The following NIPSNAP2 variants were observed in gnomAD, a reference collection of about 807,000 sequenced individuals.
NIPSNAP2 encodes nipsnap homolog 2.
A neutral mutation model predicts 48.4 loss-of-function variants in NIPSNAP2; 42 were observed. The observed-to-expected ratio is 0.87, with a 90% CI of 0.68 to 1.12. The LOEUF (loss-of-function observed/expected upper bound fraction) is 1.12, where lower values mean the gene tolerates loss of function less well. NIPSNAP2 is among the 50% of genes most tolerant of loss of function. The pLI is 0.00. For missense variants in NIPSNAP2, 314 were observed against 347.3 expected (o/e 0.90, Z 0.76); for synonymous variants, 158 against 126.6 (o/e 1.25, Z -1.67).
chr7:55,990,883 G>T (rs1484703156), intron 7 of NIPSNAP2, among the ~76,000 whole-genome samples: 1 of 151,702 alleles, frequency 6.6e-6, no homozygotes, highest in Non-Finnish European at 1.5e-5. Context: ...TGCCTCCTGG[G>T]TTCAAGCGAT....
chr7:55,978,136 T>G lies in NIPSNAP2; in HGVS notation c.103T>G (p.Ser35Ala). The G allele has an allele frequency of 6.2e-7, 1 of 1,614,160 alleles. No homozygotes were observed. Among genetic ancestry groups the G allele is most frequent in the South Asian group, 1.1e-5 (1 of 91,084 alleles). Residue 35 changes from serine to alanine, a missense_variant, in exon 2 of 10, where the codon TCT becomes GCT. Ser to Ala is a moderately conservative substitution (Grantham distance 99, BLOSUM62 1). This residue lies in a region of NIPSNAP2 where 198 missense variants were observed against 185.5 expected (regional missense o/e 1.07). Coordinates refer to ENST00000322090, the MANE Select transcript of NIPSNAP2 (RefSeq NM_001483.3). ...TTTGTTATTCCATAGGACATGGACA[T>G]CTTCCAGCAACAGATCTCGAGAAGA... ...SLLPRLRTWT[S>A]SSNRSREDSW...
At chr7:55,985,169 C>A (rs1160538347) in intron 7 of NIPSNAP2, among the ~76,000 whole-genome samples, 1 of 152,104 alleles carries the variant, frequency 6.6e-6, no homozygotes, top group Non-Finnish European at 1.5e-5. Context: ...AGACAGCATT[C>A]TATTTCATTC....
At position 55,981,567 on chromosome 7, in the gene NIPSNAP2, G is replaced by T; in HGVS notation, c.373G>T (p.Val125Phe). 6.2e-7 allele frequency: 1 copy of T among 1,608,660 alleles called. No homozygotes were observed. Among genetic ancestry groups the T allele is most frequent in the Non-Finnish European group, 8.5e-7 (1 of 1,175,778 alleles). ...GTGGTATGGCGAGCAGGACCAAGCT[G>T]GTAGGAAGCGAAGTCTTTGGAATAA... is the stretch of plus-strand genomic sequence containing the variant. Reference protein sequence around the residue: ...NTWYGEQDQAVHLWRYEGGYP... With the variant: ...NTWYGEQDQAFHLWRYEGGYP... Residue 125 changes from valine to phenylalanine, a missense_variant and splice_region_variant, in exon 4 of 10, where the codon GTC (valine) becomes TTC (phenylalanine). Transcript: ENST00000322090.
intron 7 of NIPSNAP2, 113 bp from the exon 8 acceptor site, chr7:55,994,781 C>T (rs1301037535): frequency 2.5e-6 from 2 of 802,478 alleles, no homozygotes; most frequent in African/African-American, 3.4e-5. Flanking sequence ...TTTGATAAAC[C>T]ATTAGTCTTC....
chr7:55,992,126 G>A (rs1486064022), intron 7 of NIPSNAP2, among the ~76,000 whole-genome samples: 1 of 151,776 alleles, frequency 6.6e-6, no homozygotes, highest in Non-Finnish European at 1.5e-5. Context: ...ATAATCCATG[G>A]GGGCAATAGC....
intron 7 of NIPSNAP2, among the ~76,000 whole-genome samples, chr7:55,989,240 A>G (rs1206946949): frequency 6.6e-6 from 1 of 152,188 alleles, no homozygotes; most frequent in African/African-American, 2.4e-5. Flanking sequence ...GCTGATTACA[A>G]TTGTAACAAA....
At chr7:55,979,527 A>C in intron 3 of NIPSNAP2, 1 of 325,088 alleles carries the variant, frequency 3.1e-6, no homozygotes, top group Non-Finnish European at 6.1e-6. Context: ...TAAGCTGTGC[A>C]TTCTTCATCG....
At chr7:55,992,635 GAGTGACATCTTTCACTGTC>G (rs1467669380) in intron 7 of NIPSNAP2, among the ~76,000 whole-genome samples, 1 of 152,228 alleles carries the variant, frequency 6.6e-6, no homozygotes, top group African/African-American at 2.4e-5. Context: ...TGTGCCTTGA[GAGTGACATCTTTCACTGTC>G]ATTGTTAGTA....
intron 8 of NIPSNAP2, 115 bp downstream of exon 8, chr7:55,995,103 T>G: frequency 1.2e-6 from 1 of 826,434 alleles, no homozygotes; most frequent in Admixed American, 2.0e-5. Context: ...AAATCCGACG[T>G]CACAGAGGGA....
At chr7:55,981,249 A>G (rs894833455) in intron 3 of NIPSNAP2, 1 of 374,794 alleles carries the variant, frequency 2.7e-6, no homozygotes, top group Non-Finnish European at 4.9e-6. Context: ...CAACTCTTCT[A>G]GATAGTTGGG....
In NIPSNAP2 at chr7:55,989,281, C is replaced by T. The variant is rs188104184; in HGVS notation, c.617+4403C>T. Among the ~76,000 whole-genome samples the T allele has an allele frequency of 1.5e-3, 234 of 152,218 alleles. 1 individual carries two copies. Among genetic ancestry groups the T allele is most frequent in the African/African-American group, 4.9e-3 (204 of 41,546 alleles). On this transcript the variant is annotated intron_variant, in intron 7 of 9. Coordinates refer to ENST00000322090, the MANE Select transcript of NIPSNAP2 (RefSeq NM_001483.3). ...AGCTTTCACCATTATGATTTAATAC[C>T]GTTTTTAGAAATCCTGACTATTATA...
At chr7:55,979,651 G>C in intron 3 of NIPSNAP2, 1 of 398,552 alleles carries the variant, frequency 2.5e-6, no homozygotes, top group Non-Finnish European at 5.0e-6. Flanking sequence ...AGCTATACCT[G>C]TGTCTCCTTC....
At chr7:55,986,014 C>T (rs922482194) in intron 7 of NIPSNAP2, among the ~76,000 whole-genome samples, 1 of 151,906 alleles carries the variant, frequency 6.6e-6, no homozygotes, top group Admixed American at 6.6e-5. Flanking sequence ...CACCACTGTG[C>T]TCTAGCCTAG....
At chr7:55,979,522 T>C (rs4543497) in intron 3 of NIPSNAP2, 224,636 of 313,272 alleles carry the variant, frequency 0.72, 81,465 homozygotes, top group Non-Finnish European at 0.76. Context: ...TCACCTAAGC[T>C]GTGCATTCTT....
Position 55,999,169 on chromosome 7 carries a change from G to C in NIPSNAP2, c.*97G>C, listed in dbSNP as rs912459219. ...TATCAAGTGAAAAAGAAACACTGAG[G>C]TTTTAAGCTGCTGTATATAGCTTGT... On this transcript the variant is annotated 3_prime_UTR_variant, in exon 10 of 10. Transcript: ENST00000322090. 1.0e-4 allele frequency: 99 copies of C among 993,698 alleles called. No homozygotes were observed. Among genetic ancestry groups the C allele is most frequent in the Non-Finnish European group, 1.4e-4 (90 of 632,050 alleles). The allele number at this position is 993,698 out of a possible 1,614,324, so 61.6% of individuals were successfully genotyped here.
At chr7:55,967,316 T>C (rs1035534076) in intron 1 of NIPSNAP2, among the ~76,000 whole-genome samples, 1 of 152,220 alleles carries the variant, frequency 6.6e-6, no homozygotes, top group Admixed American at 6.5e-5. Flanking sequence ...TTTCCCGCCA[T>C]CTATCATTTA....
chr7:55,991,763 A>ATATAT lies in NIPSNAP2; in HGVS notation c.618-3131_618-3130insTATAT, dbSNP rs1312676530. On this transcript the variant is annotated intron_variant, in intron 7 of 9. Transcript: ENST00000322090. ...AACTCTGTCTCAAAAAAAAAAAAAA[A>ATATAT]AAATATATATATATATATAATTTAT... 1,192 of 156,832 alleles carry ATATAT rather than the reference A, an allele frequency of 7.6e-3. 8 individuals carry two copies. The highest frequency in any genetic ancestry group is 0.011 in the Non-Finnish European group (905 of 81,156). The allele number at this position is 156,832 out of a possible 1,614,324, so 9.7% of individuals were successfully genotyped here.
chr7:55,981,780 A>G (rs1787220820), intron 4 of NIPSNAP2: 3 of 483,340 alleles, frequency 6.2e-6, no homozygotes, highest in Non-Finnish European at 1.1e-5. Flanking sequence ...TTATGATGTA[A>G]CTCATAGGCC....
At chr7:55,987,146 GTC>G (rs1171306141) in intron 7 of NIPSNAP2, among the ~76,000 whole-genome samples, 2 of 152,084 alleles carry the variant, frequency 1.3e-5, no homozygotes, top group African/African-American at 2.4e-5. Context: ...GTGAGACCCT[GTC>G]TCACAAAAAT....
Sources: allele counts gnomAD v4.1 joint callset (sites outside exome capture counted in the v4.1 genomes callset), GRCh38; gene constraint gnomAD v4.1.1; regional missense constraint gnomAD v4.1.1; transcripts MANE v1.5; gene names NCBI Gene and HGNC (gene_info 2026-07-23, HGNC 2026-07-21).